The following TIAM1 variants were observed in gnomAD, a reference collection of about 807,000 sequenced individuals.
TIAM1 encodes the protein rho guanine nucleotide exchange factor TIAM1.
A neutral mutation model predicts 163.5 loss-of-function variants in TIAM1; 65 were observed. That is an observed-to-expected ratio of 0.40 (90% CI 0.33 to 0.49). TIAM1 has a LOEUF of 0.49. Ranked by LOEUF, TIAM1 falls within the 20% of genes least tolerant of loss-of-function variation. TIAM1 has a pLI of 0.77. For missense variants in TIAM1, 1,789 were observed against 2,044.7 expected (o/e 0.87, Z 2.41); for synonymous variants, 833 against 810.1 (o/e 1.03, Z -0.48).
At chr21:31,483,611 G>A (rs1170556602) in intron 1 of TIAM1, among the ~76,000 whole-genome samples, 1 of 152,036 alleles carries the variant, frequency 6.6e-6, no homozygotes, top group Non-Finnish European at 1.5e-5. Context: ...CAGGACAGGA[G>A]CAATGTGAGC....
At chr21:31,335,711 A>AAAAAAAAAAG (rs1420092309) in intron 2 of TIAM1, among the ~76,000 whole-genome samples, 1 of 152,048 alleles carries the variant, frequency 6.6e-6, no homozygotes, top group African/African-American at 2.4e-5. Context: ...TCTCCAAAAA[A>AAAAAAAAAAG]AAAGAAAAAA....
chr21:31,137,470 C>G (rs2082666293), intron 22 of TIAM1, among the ~76,000 whole-genome samples: 1 of 152,030 alleles, frequency 6.6e-6, no homozygotes, highest in African/African-American at 2.4e-5. Context: ...ACATAGTCTC[C>G]ACTACCTATC....
rs201591169 is a variant in TIAM1 at position 31,410,086 on chromosome 21, AGT to A, written c.-369+53895_-369+53896del. Among the ~76,000 whole-genome samples the A allele has an allele frequency of 3.6e-5, 5 of 138,664 alleles. No homozygotes were observed. In the South Asian group the frequency reaches 8.9e-4, roughly 25 times the overall value. The allele number at this position is 138,664 out of a possible 152,430, so 91.0% of individuals were successfully genotyped here. On this transcript the variant is annotated intron_variant, in intron 2 of 28. Coordinates refer to the TIAM1 transcript ENST00000286827. Reference sequence around the variant, plus strand: ...ATGGAGGCAGCACTGAGGGCGTAGCAGTGTGTGTGTGTGTGTGAGGTTGTGTG... The same window carrying A: ...ATGGAGGCAGCACTGAGGGCGTAGCAGTGTGTGTGTGTGTGAGGTTGTGTG...
chr21:31,166,960 A>G (rs2084252725), intron 15 of TIAM1, among the ~76,000 whole-genome samples: 1 of 151,976 alleles, frequency 6.6e-6, no homozygotes, highest in Non-Finnish European at 1.5e-5. Flanking sequence ...CAGAATCACA[A>G]CCTCCTGGAG....
intron 2 of TIAM1, among the ~76,000 whole-genome samples, chr21:31,349,857 G>A (rs1484245061): frequency 1.3e-5 from 2 of 152,166 alleles, no homozygotes; most frequent in Admixed American, 1.3e-4. Context: ...GGTAAAGTGG[G>A]AACTTAAAAT....
At chr21:31,424,013 G>C (rs761714613) in intron 2 of TIAM1, among the ~76,000 whole-genome samples, 8 of 152,084 alleles carry the variant, frequency 5.3e-5, no homozygotes, top group African/African-American at 1.9e-4. Flanking sequence ...TGAATTGCAC[G>C]GTGTGTGAAT....
chr21:31,225,060 C>A (rs912780698), intron 7 of TIAM1, among the ~76,000 whole-genome samples: 1 of 152,052 alleles, frequency 6.6e-6, no homozygotes, highest in Non-Finnish European at 1.5e-5. Flanking sequence ...TGCTCTGTTA[C>A]CCAGGCTGGA....
Position 31,225,965 on chromosome 21 carries a change from A to C in TIAM1, c.1585-15T>G. The C allele has an allele frequency of 6.2e-7, 1 of 1,608,826 alleles. No individual in the cohort carries two copies. ...TGGCTAGTGGTCTGTACCAGGAAGA[A>C]GGGGCAGGAAGAAAAAGGCACCTCT... On this transcript the variant is annotated splice_polypyrimidine_tract_variant and intron_variant, in intron 6 of 27. Coordinates refer to ENST00000541036, the MANE Select transcript of TIAM1 (RefSeq NM_001353694.2).
At chr21:31,340,967 T>C (rs1408722689) in intron 1 of TIAM1, among the ~76,000 whole-genome samples, 1 of 151,972 alleles carries the variant, frequency 6.6e-6, no homozygotes, top group African/African-American at 2.4e-5. Context: ...ACTGAAAATA[T>C]GGAACTTGCC....
At chr21:31,269,090 G>C (rs562411520) in intron 3 of TIAM1, among the ~76,000 whole-genome samples, 1 of 152,130 alleles carries the variant, frequency 6.6e-6, no homozygotes, top group Non-Finnish European at 1.5e-5. Flanking sequence ...TATATCAAAA[G>C]TTTGCAAACA....
intron 4 of TIAM1, among the ~76,000 whole-genome samples, chr21:31,259,661 A>G (rs1000173329): frequency 2.6e-5 from 4 of 151,096 alleles, no homozygotes; most frequent in Non-Finnish European, 5.9e-5. Flanking sequence ...AATAATCCTG[A>G]ATGTTCCCAA....
chr21:31,480,832 C>CA (rs892203591), intron 1 of TIAM1, among the ~76,000 whole-genome samples: 1 of 152,212 alleles, frequency 6.6e-6, no homozygotes, highest in Non-Finnish European at 1.5e-5. Context: ...TGGCTTACTG[C>CA]AACCTCCGTC....
chr21:31,249,086 G>A (rs1219996393), intron 5 of TIAM1, among the ~76,000 whole-genome samples: 1 of 152,218 alleles, frequency 6.6e-6, no homozygotes, highest in Non-Finnish European at 1.5e-5. Context: ...GCTGAAGGCT[G>A]AATTGTGTCC....
rs528287339 is a variant in TIAM1, at chr21:31,252,010, C to G, written c.1143G>C (p.Gln381His). ...CCCGCCGGAAGTTCTCGTACACCCC[C>G]TGACGAGCCGCATCCCCGGTGGAGC... ...GSSSTGDAAR[Q>H]GVYENFRREL... is the part of the protein sequence containing the mutation. The change falls in exon 5 of 28, where the codon CAG becomes CAC. Residue 381 changes from glutamine to histidine, a missense_variant. Gln to His is a conservative substitution (Grantham distance 24). This residue lies in a region of TIAM1 where 555 missense variants were observed against 564.9 expected (regional missense o/e 0.98). Transcript: ENST00000541036. 5.0e-5 allele frequency: 80 copies of G among 1,613,912 alleles called. No individual in the cohort carries two copies. Among genetic ancestry groups the G allele is most frequent in the Non-Finnish European group, 6.2e-5 (73 of 1,179,982 alleles).
At chr21:31,169,387 A>C (rs2084397419) in intron 15 of TIAM1, among the ~76,000 whole-genome samples, 1 of 152,198 alleles carries the variant, frequency 6.6e-6, no homozygotes, top group Admixed American at 6.5e-5. Context: ...AGAAATAGAA[A>C]CTATAACCAA....
chr21:31,464,454 T>A (rs2147356837), intron 1 of TIAM1, among the ~76,000 whole-genome samples: 2 of 152,244 alleles, frequency 1.3e-5, no homozygotes, highest in Middle Eastern at 6.8e-3. Flanking sequence ...CACACCCTAA[T>A]CCCAGCATCT....
At chr21:31,431,231 A>T (rs925466888) in intron 2 of TIAM1, among the ~76,000 whole-genome samples, 1 of 152,180 alleles carries the variant, frequency 6.6e-6, no homozygotes, top group Non-Finnish European at 1.5e-5. Flanking sequence ...TTCACCTCCC[A>T]AACTACTCTG....
intron 1 of TIAM1, among the ~76,000 whole-genome samples, chr21:31,490,465 T>C (rs868581792): frequency 6.6e-6 from 1 of 152,050 alleles, no homozygotes; most frequent in Non-Finnish European, 1.5e-5. Flanking sequence ...AAATGCCTAG[T>C]TGCCTTCCCA....
intron 2 of TIAM1, among the ~76,000 whole-genome samples, chr21:31,301,987 G>A (rs1448383628): frequency 6.6e-6 from 1 of 150,904 alleles, no homozygotes; most frequent in African/African-American, 2.4e-5. Flanking sequence ...ATATATATGT[G>A]CATATATAAA....
Sources: allele counts gnomAD v4.1 joint callset (sites outside exome capture counted in the v4.1 genomes callset), GRCh38; gene constraint gnomAD v4.1.1; regional missense constraint gnomAD v4.1.1; transcripts MANE v1.5; gene names NCBI Gene and HGNC (gene_info 2026-07-23, HGNC 2026-07-21).